CA10: variants seen among roughly 807,000 people sequenced by gnomAD.
CA10 encodes carbonic anhydrase-related protein 10.
CA10 carries 14 observed loss-of-function variants against 44.2 expected under a neutral mutation model. The observed-to-expected ratio is 0.32, with a 90% confidence interval of 0.21 to 0.50. The LOEUF (loss-of-function observed/expected upper bound fraction) is 0.50. CA10 is among the 20% of genes least tolerant of loss of function. CA10 has a pLI of 0.99. For missense variants in CA10, 350 were observed against 409.7 expected (o/e 0.85, Z 1.26); for synonymous variants, 159 against 141.6 (o/e 1.12, Z -0.87).
chr17:51,783,357 A>G (rs1906133422), intron 3 of CA10, among the ~76,000 whole-genome samples: 1 of 152,242 alleles, frequency 6.6e-6, no homozygotes, highest in South Asian at 2.1e-4. Context: ...AATTAATTAC[A>G]TGGTACTTAT....
At chr17:51,950,311 C>T (rs935435326) in intron 2 of CA10, among the ~76,000 whole-genome samples, 1 of 152,138 alleles carries the variant, frequency 6.6e-6, no homozygotes, top group African/African-American at 2.4e-5. Flanking sequence ...GTTTACCTTG[C>T]AGACACTGCT....
At chr17:51,821,198 C>G (rs1197864657) in intron 3 of CA10, among the ~76,000 whole-genome samples, 1 of 142,806 alleles carries the variant, frequency 7.0e-6, no homozygotes, top group African/African-American at 2.6e-5. Context: ...TATTCAGGTG[C>G]TAGATGCTGG....
At chr17:52,035,505 G>T (rs1361871855) in intron 2 of CA10, among the ~76,000 whole-genome samples, 1 of 152,198 alleles carries the variant, frequency 6.6e-6, no homozygotes, top group African/African-American at 2.4e-5. Flanking sequence ...ACAAAAAGCT[G>T]TCACACTGGC....
At chr17:52,062,745 C>G (rs1987424294) in intron 2 of CA10, among the ~76,000 whole-genome samples, 1 of 152,174 alleles carries the variant, frequency 6.6e-6, no homozygotes, top group Non-Finnish European at 1.5e-5. Flanking sequence ...GCAGTGGAAG[C>G]TGCCAAGCCT....
At chr17:51,728,233 G>A (rs528105251) in intron 4 of CA10, among the ~76,000 whole-genome samples, 9 of 152,128 alleles carry the variant, frequency 5.9e-5, no homozygotes, top group Non-Finnish European at 1.0e-4. Context: ...CTGTAGAAGA[G>A]TTAAGATAGT....
chr17:51,826,724 C>A (rs550467969), intron 3 of CA10, among the ~76,000 whole-genome samples: 2 of 152,302 alleles, frequency 1.3e-5, no homozygotes, highest in Admixed American at 1.3e-4. Flanking sequence ...GGGGCCCTGG[C>A]AGGAGACTGG....
chr17:51,917,991 C>T (rs747916451), intron 3 of CA10, among the ~76,000 whole-genome samples: 1 of 152,152 alleles, frequency 6.6e-6, no homozygotes, highest in Admixed American at 6.5e-5. Context: ...ATTCTCATCT[C>T]AAGCTCTAAA....
Position 51,986,227 on chromosome 17 carries a change from G to T in CA10, c.137-55095C>A, listed in dbSNP as rs190000137. On this transcript the variant is annotated intron_variant, in intron 2 of 8. Transcript: ENST00000451037. ...AAATACTTAAAGCCAAATGATCTTTGGCAAAGCAAACAAAAACAAAGTAAA... is the reference window on the plus strand; with the variant it reads ...AAATACTTAAAGCCAAATGATCTTTTGCAAAGCAAACAAAAACAAAGTAAA... Among the ~76,000 whole-genome samples the T allele has an allele frequency of 1.2e-3, 180 of 152,012 alleles. 5 individuals are homozygous for T. In the South Asian group the frequency reaches 0.022, roughly 18 times the overall value.
At chr17:52,023,984 G>T (rs1986223958) in intron 2 of CA10, among the ~76,000 whole-genome samples, 2 of 151,902 alleles carry the variant, frequency 1.3e-5, no homozygotes, top group African/African-American at 2.4e-5. Flanking sequence ...GGTTTGTCAA[G>T]TTTATTGTTT....
chr17:51,922,782 A>G (rs1421649717), intron 3 of CA10, among the ~76,000 whole-genome samples: 2 of 152,094 alleles, frequency 1.3e-5, no homozygotes, highest in African/African-American at 2.4e-5. Context: ...TGCCTTTTGA[A>G]GTTTTCATAT....
At chr17:51,895,742 A>G (rs1330329334) in intron 3 of CA10, among the ~76,000 whole-genome samples, 1 of 152,104 alleles carries the variant, frequency 6.6e-6, no homozygotes, top group African/African-American at 2.4e-5. Context: ...TAAAATACCA[A>G]TGATACAACC....
At chr17:52,154,427 C>G (rs1043409483) in intron 1 of CA10, among the ~76,000 whole-genome samples, 8 of 152,052 alleles carry the variant, frequency 5.3e-5, no homozygotes, top group African/African-American at 1.4e-4. Flanking sequence ...AATAAACTGA[C>G]AAAGAAGTAA....
intron 2 of CA10, among the ~76,000 whole-genome samples, chr17:52,054,299 C>T (rs537914719): frequency 6.6e-6 from 1 of 152,094 alleles, no homozygotes; most frequent in Non-Finnish European, 1.5e-5. Flanking sequence ...ATGAAATAAG[C>T]CCCAGTCTCC....
intron 4 of CA10, among the ~76,000 whole-genome samples, chr17:51,675,548 C>A (rs1330611701): frequency 3.6e-4 from 42 of 117,904 alleles, no homozygotes; most frequent in East Asian, 4.9e-4. Flanking sequence ...GACTCCATCT[C>A]AAAAAAAAAA....
intron 3 of CA10, among the ~76,000 whole-genome samples, chr17:51,855,191 G>C (rs553621072): frequency 6.6e-6 from 1 of 152,164 alleles, no homozygotes; most frequent in African/African-American, 2.4e-5. Context: ...GATAACGCCA[G>C]CTTGAAGAGT....
In CA10 at chr17:51,781,463, T is replaced by C. The variant is rs115910194; in HGVS notation, c.280-33645A>G. On this transcript the variant is annotated intron_variant, in intron 3 of 8. Transcript: ENST00000451037. The stretch of plus-strand genomic sequence containing the variant: ...CAGGTTAAATAAGGAAAAGAGATGC[T>C]ATTTGGCCATGAGTCCAGAGGGGAA... 2.9e-3 allele frequency among the ~76,000 whole-genome samples: 448 copies of C among 152,340 alleles called. 2 individuals carry two copies. The highest frequency in any genetic ancestry group is 0.01 in the African/African-American group (430 of 41,572).
intron 2 of CA10, among the ~76,000 whole-genome samples, chr17:51,985,237 C>A (rs568472816): frequency 2.6e-5 from 4 of 151,970 alleles, no homozygotes; most frequent in African/African-American, 7.2e-5. Flanking sequence ...ATGTGATACA[C>A]CACATATGTA....
In CA10 at chr17:52,157,835, A is replaced by G. The variant is rs1567751525; in HGVS notation, c.-49T>C. 1 of 1,496,904 alleles carries G rather than the reference A, an allele frequency of 6.7e-7. No homozygotes were observed. Among genetic ancestry groups the G allele is most frequent in the South Asian group, 1.1e-5 (1 of 88,732 alleles). 92.7% of individuals were successfully genotyped at this position (1,496,904 alleles called of 1,614,324 possible). A position where few individuals can be genotyped will look rare whatever the true frequency, so the allele number is the denominator to read the frequency against. Reference sequence around the variant, plus strand: ...ATCACTCGACGGGAAAACGGGGGGAAGGGGGGAGCCCGACACGGCACACAC... The same window carrying G: ...ATCACTCGACGGGAAAACGGGGGGAGGGGGGGAGCCCGACACGGCACACAC... On this transcript the variant is annotated 5_prime_UTR_variant, in exon 1 of 9. Coordinates refer to ENST00000451037, the MANE Select transcript of CA10 (RefSeq NM_020178.5).
At chr17:52,017,666 A>C (rs1986010631) in intron 2 of CA10, among the ~76,000 whole-genome samples, 1 of 152,132 alleles carries the variant, frequency 6.6e-6, no homozygotes, top group Non-Finnish European at 1.5e-5. Flanking sequence ...CAGGGTGTAA[A>C]AATCTGGAAA....
Sources: allele counts gnomAD v4.1 joint callset (sites outside exome capture counted in the v4.1 genomes callset), GRCh38; gene constraint gnomAD v4.1.1; transcripts MANE v1.5; gene names NCBI Gene and HGNC (gene_info 2026-07-23, HGNC 2026-07-21).